Variants in TMEM131L observed in about 807,000 individuals in gnomAD.
The protein encoded by TMEM131L is transmembrane protein 131-like.
In TMEM131L, 54 loss-of-function variants were observed where a neutral mutation model predicts 192.2. That is an observed-to-expected ratio of 0.28 (90% CI 0.23 to 0.35). The LOEUF (loss-of-function observed/expected upper bound fraction) is 0.35. Among genes scored for constraint, TMEM131L ranks in the 10% least tolerant of loss-of-function variants. The pLI, the probability that TMEM131L is intolerant of heterozygous loss-of-function variation, is 1.00. For missense variants in TMEM131L, 1,888 were observed against 1,972.9 expected (o/e 0.96, Z 0.82); for synonymous variants, 701 against 704.9 (o/e 0.99, Z 0.09).
intron 14 of TMEM131L, among the ~76,000 whole-genome samples, chr4:153,587,130 G>T (rs1730754483): frequency 6.6e-6 from 1 of 152,016 alleles, no homozygotes; most frequent in Admixed American, 6.6e-5. Flanking sequence ...ACAATGTAAG[G>T]TTAATTCCAT....
At chr4:153,516,975 C>T (rs1734780061) in intron 3 of TMEM131L, among the ~76,000 whole-genome samples, 1 of 151,984 alleles carries the variant, frequency 6.6e-6, no homozygotes, top group African/African-American at 2.4e-5. Context: ...TACAGGTGCG[C>T]GCCACCATGC....
chr4:153,625,898 ACT>A (rs1195950113), intron 29 of TMEM131L, among the ~76,000 whole-genome samples: 3 of 152,084 alleles, frequency 2.0e-5, no homozygotes, highest in Non-Finnish European at 4.4e-5. Context: ...ACAGAGTGAG[ACT>A]CTGTCTCAAA....
chr4:153,612,201 A>G (rs766378524), intron 25 of TMEM131L, 51 bp from the exon 26 acceptor site: 8 of 1,331,872 alleles, frequency 6.0e-6, no homozygotes, highest in Middle Eastern at 2.5e-4. Context: ...AAGATGGGGA[A>G]TGTGAGTGGA....
At chr4:153,576,550 T>C (rs1209567948) in intron 7 of TMEM131L, among the ~76,000 whole-genome samples, 1 of 152,178 alleles carries the variant, frequency 6.6e-6, no homozygotes, top group Admixed American at 6.5e-5. Context: ...GGGTTGTTAA[T>C]TGTGTCAAAA....
rs72969193 is a variant in TMEM131L at position 153,473,442 on chromosome 4, G to T, written c.196-403G>T. ...GTAGGAACTGGGTTTCCCGTGAGTG[G>T]GTAGGTCTTTCTGGTAGGAGGTGAA... On this transcript the variant is annotated intron_variant, in intron 2 of 34. Coordinates refer to ENST00000409959, the MANE Select transcript of TMEM131L (RefSeq NM_001131007.2). 5.4e-3 allele frequency among the ~76,000 whole-genome samples: 826 copies of T among 152,278 alleles called. 7 individuals are homozygous for T. The highest frequency in any genetic ancestry group is 0.019 in the African/African-American group (796 of 41,542).
chr4:153,560,605 C>T (rs1166477950), intron 7 of TMEM131L, among the ~76,000 whole-genome samples: 1 of 152,166 alleles, frequency 6.6e-6, no homozygotes, highest in East Asian at 1.9e-4. Context: ...ATTTTCATTG[C>T]CTCAGTCTCT....
At chr4:153,496,726 T>G (rs895233414) in intron 3 of TMEM131L, among the ~76,000 whole-genome samples, 9 of 152,116 alleles carry the variant, frequency 5.9e-5, no homozygotes, top group African/African-American at 2.2e-4. Flanking sequence ...TTTGTTTATT[T>G]TTTTTGTAGA....
chr4:153,595,551 A>G (rs1280450610), intron 19 of TMEM131L, among the ~76,000 whole-genome samples: 1 of 152,210 alleles, frequency 6.6e-6, no homozygotes, highest in Non-Finnish European at 1.5e-5. Flanking sequence ...ACAAAGAGAA[A>G]TAATATTCTT....
At chr4:153,620,726 A>G in intron 26 of TMEM131L, 30 bp from the exon 27 acceptor site, 1 of 1,378,904 alleles carries the variant, frequency 7.3e-7, no homozygotes, top group South Asian at 1.3e-5. Flanking sequence ...TTTAGTTTAA[A>G]CCATTAAACA....
chr4:153,475,212 TAA>T (rs1206019825), intron 3 of TMEM131L, among the ~76,000 whole-genome samples: 1 of 152,166 alleles, frequency 6.6e-6, no homozygotes, highest in Non-Finnish European at 1.5e-5. Context: ...AATTCTTTAG[TAA>T]CTTTGGTGGT....
intron 3 of TMEM131L, among the ~76,000 whole-genome samples, chr4:153,497,437 C>T (rs901985003): frequency 1.3e-5 from 2 of 152,104 alleles, no homozygotes; most frequent in Non-Finnish European, 2.9e-5. Context: ...TGTTACACCT[C>T]GGTTTTAAGC....
Position 153,591,087 on chromosome 4 carries a change from T to C in TMEM131L, c.1705T>C (p.Leu569=), listed in dbSNP as rs1731034225. 1 of 1,604,146 alleles carries C rather than the reference T, an allele frequency of 6.2e-7. No individual in the cohort carries two copies. Among genetic ancestry groups the C allele is most frequent in the African/African-American group, 1.3e-5 (1 of 74,716 alleles). The change falls in exon 17 of 35, where the codon TTG becomes CTG. Residue 569 remains leucine (L), a synonymous_variant. Coordinates refer to ENST00000409959, the MANE Select transcript of TMEM131L (RefSeq NM_001131007.2). ...TTTGGGAACAACTCGATTTGCTCAC[T>C]TGAAGAAATCCAAGGAGTCAGAGTC... ...NVLGTTRFAH[L]KKSKESESFV... is the part of the protein sequence containing the mutation.
chr4:153,548,324 G>A (rs976689470), intron 3 of TMEM131L, among the ~76,000 whole-genome samples: 6 of 152,176 alleles, frequency 3.9e-5, no homozygotes, highest in South Asian at 4.1e-4. Context: ...TTTTTGAGAC[G>A]GAGTCTCGCT....
At chr4:153,499,003 G>C (rs1240067788) in intron 3 of TMEM131L, among the ~76,000 whole-genome samples, 1 of 152,226 alleles carries the variant, frequency 6.6e-6, no homozygotes. Context: ...TTGCCCCTTA[G>C]TATTAACGTT....
intron 3 of TMEM131L, among the ~76,000 whole-genome samples, chr4:153,498,519 A>G (rs968771765): frequency 5.3e-5 from 8 of 152,298 alleles, no homozygotes; most frequent in African/African-American, 1.7e-4. Context: ...TAATCGCACT[A>G]TGTGAGAGAG....
At chr4:153,546,682 C>T (rs1415505729) in intron 3 of TMEM131L, among the ~76,000 whole-genome samples, 1 of 152,218 alleles carries the variant, frequency 6.6e-6, no homozygotes, top group Non-Finnish European at 1.5e-5. Context: ...AATCCCAGCA[C>T]TCTGGGAGGC....
chr4:153,472,017 T>G (rs1731194632), intron 2 of TMEM131L, among the ~76,000 whole-genome samples: 1 of 152,158 alleles, frequency 6.6e-6, no homozygotes. Flanking sequence ...CATTGACCAG[T>G]ATTTGGTAAT....
chr4:153,553,398 A>G (rs904293057), intron 4 of TMEM131L, among the ~76,000 whole-genome samples: 1 of 150,920 alleles, frequency 6.6e-6, no homozygotes, highest in Non-Finnish European at 1.5e-5. Flanking sequence ...TCATAATGCT[A>G]TTTTTCTTGT....
intron 3 of TMEM131L, among the ~76,000 whole-genome samples, chr4:153,532,103 C>T (rs1439118572): frequency 2.0e-5 from 3 of 152,158 alleles, no homozygotes; most frequent in African/African-American, 4.8e-5. Flanking sequence ...CCACTGAAGG[C>T]CAAAGCTGTT....
Sources: gnomAD v4.1 joint callset for allele counts (sites outside exome capture counted in the v4.1 genomes callset) on GRCh38, gnomAD v4.1.1 for gene constraint, MANE v1.5 for transcripts, NCBI Gene and HGNC (gene_info 2026-07-23, HGNC 2026-07-21) for gene names.